ELOB: variants seen among roughly 807,000 people sequenced by gnomAD.
The protein encoded by ELOB is elongin-B.
A neutral mutation model predicts 12.9 loss-of-function variants in ELOB; 3 were observed. That is an observed-to-expected ratio of 0.23 (90% CI 0.11 to 0.60). ELOB has a LOEUF of 0.60. ELOB is among the 20% of genes least tolerant of loss of function. The pLI is 0.89. For synonymous variants in ELOB, 84 were observed against 67.4 expected (o/e 1.25, Z -1.21); for missense variants, 126 against 159.2 (o/e 0.79, Z 1.12).
In ELOB at chr16:2,771,597, C is replaced by A. The variant is rs79638577; in HGVS notation, c.*393G>T. ...CTCTTGGCCATCGTCTGGGAGTGGA[C>A]ATGCAGGCTATGGGGGTGGGGGGCA... is the stretch of plus-strand genomic sequence containing the variant. On this transcript the variant is annotated 3_prime_UTR_variant, in exon 4 of 4. Transcript: ENST00000409906. 2.8e-5 allele frequency: 45 copies of A among 1,614,094 alleles called. No homozygotes were observed. In the East Asian group the frequency reaches 9.8e-4, roughly 35 times the overall value.
intron 3 of ELOB, among the ~76,000 whole-genome samples, chr16:2,773,615 G>T (rs936591277): frequency 1.3e-5 from 2 of 152,136 alleles, no homozygotes; most frequent in Admixed American, 1.3e-4. Flanking sequence ...CATTCCATGG[G>T]GAAGCAAAGA....
intron 3 of ELOB, chr16:2,772,653 T>C (rs2068769676): frequency 6.6e-6 from 1 of 150,642 alleles, no homozygotes; most frequent in South Asian, 2.1e-4. Flanking sequence ...GAGCTTGCAG[T>C]AGCTGAGATC....
In ELOB at chr16:2,774,793, T is replaced by C. The variant is rs1442457455; in HGVS notation, c.244+658A>G. Among the ~76,000 whole-genome samples, 6 of 131,532 alleles carry C rather than the reference T, an allele frequency of 4.6e-5. No individual in the cohort carries two copies. In the East Asian group the frequency reaches 1.2e-3, roughly 26 times the overall value. The allele number at this position is 131,532 out of a possible 152,430, so 86.3% of individuals were successfully genotyped here. A position where few individuals can be genotyped will look rare whatever the true frequency, so the allele number is the denominator to read the frequency against. On this transcript the variant is annotated intron_variant, in intron 3 of 3. Coordinates refer to ENST00000409906, the MANE Select transcript of ELOB (RefSeq NM_007108.4). Reference sequence around the variant, plus strand: ...TCTTGGCGAGTAGTAAACCACTCCCTAATCCCCAGGTTTCTAAAGCTTGGG... The same window carrying C: ...TCTTGGCGAGTAGTAAACCACTCCCCAATCCCCAGGTTTCTAAAGCTTGGG...
At position 2,771,646 on chromosome 16, in the gene ELOB, C is replaced by G. The variant is rs920189162; in HGVS notation, c.*344G>C. 6.2e-7 allele frequency: 1 copy of G among 1,612,728 alleles called. No individual in the cohort carries two copies. Among genetic ancestry groups the G allele is most frequent in the Non-Finnish European group, 8.5e-7 (1 of 1,179,552 alleles). ...CACTTAGAAGGAGAAAGGCCTAAAA[C>G]TGGAATCTCTTGTCCCTGAGGCTGG... On this transcript the variant is annotated 3_prime_UTR_variant, in exon 4 of 4. Coordinates refer to ENST00000409906, the MANE Select transcript of ELOB (RefSeq NM_007108.4).
rs1326023102 is a variant in ELOB, at chr16:2,771,893, A to AGT, written c.*95_*96dup. 1.9e-5 allele frequency: 29 copies of AGT among 1,506,422 alleles called. No homozygotes were observed. The highest frequency in any genetic ancestry group is 2.6e-5 in the Non-Finnish European group (29 of 1,125,270). 93.3% of individuals were successfully genotyped at this position (1,506,422 alleles called of 1,614,324 possible). A position where few individuals can be genotyped will look rare whatever the true frequency, so the allele number is the denominator to read the frequency against. ...CAAGCCCCAAAAGGAGCCCACAGGG[A>AGT]GTGGGACCCATCCCAGGGAGGGGCG... On this transcript the variant is annotated 3_prime_UTR_variant, in exon 4 of 4. Coordinates refer to ENST00000409906, the MANE Select transcript of ELOB (RefSeq NM_007108.4).
chr16:2,777,212 C>G, intron 1 of ELOB, 25 bp downstream of exon 1: 1 of 993,878 alleles, frequency 1.0e-6, no homozygotes, highest in Non-Finnish European at 1.2e-6. Context: ...CCCGGCCCGG[C>G]CGCCCCTCCC....
rs1382608202 is a variant in ELOB at position 2,775,599 on chromosome 16, C to A, written c.139-43G>T. ...ATCTTGGGAGAGGCCCTACATGGGG[C>A]AAGTCCCAAAGACTTCTGACCAGCA... On this transcript the variant is annotated intron_variant, in intron 2 of 3. Coordinates refer to ENST00000409906, the MANE Select transcript of ELOB (RefSeq NM_007108.4). The A allele has an allele frequency of 3.9e-6, 6 of 1,537,802 alleles. No homozygotes were observed. The Admixed American group carries it at 5.3e-5, about 14-fold the overall frequency.
At chr16:2,772,364 A>C in intron 3 of ELOB, 1 of 287,798 alleles carries the variant, frequency 3.5e-6, no homozygotes, top group Non-Finnish European at 6.6e-6. Flanking sequence ...CTCATCTTCC[A>C]TGTCCACTAG....
At chr16:2,775,917 G>A in intron 2 of ELOB, among the ~76,000 whole-genome samples, 1 of 152,112 alleles carries the variant, frequency 6.6e-6, no homozygotes, top group East Asian at 1.9e-4. Context: ...TCGCTATGTT[G>A]CCCAGGCATG....
intron 3 of ELOB, among the ~76,000 whole-genome samples, chr16:2,773,004 C>T (rs1004801899): frequency 6.6e-6 from 1 of 152,198 alleles, no homozygotes; most frequent in Non-Finnish European, 1.5e-5. Context: ...TCAAGACATC[C>T]TGACACTCTG....
At chr16:2,773,193 G>T (rs1463830774) in intron 3 of ELOB, among the ~76,000 whole-genome samples, 1 of 152,056 alleles carries the variant, frequency 6.6e-6, no homozygotes, top group Non-Finnish European at 1.5e-5. Flanking sequence ...GTTCTCAACT[G>T]ATCAGGCATC....
chr16:2,775,430 A>C, intron 3 of ELOB, 21 bp downstream of exon 3: 2 of 1,554,040 alleles, frequency 1.3e-6, no homozygotes, highest in Admixed American at 1.8e-5. Flanking sequence ...CACCCAGCCC[A>C]GTGGGTGGTG....
At chr16:2,776,834 G>A (rs1383193497) in intron 2 of ELOB, among the ~76,000 whole-genome samples, 159 bp downstream of exon 2, 3 of 151,850 alleles carry the variant, frequency 2.0e-5, no homozygotes, top group Admixed American at 1.3e-4. Flanking sequence ...CGCGGCGAGC[G>A]CAGCTCGCGC....
chr16:2,775,249 A>G (rs2068791907), intron 3 of ELOB, among the ~76,000 whole-genome samples: 1 of 152,108 alleles, frequency 6.6e-6, no homozygotes, highest in Admixed American at 6.5e-5. Flanking sequence ...GGTTTCTGTA[A>G]GCATCTCATT....
chr16:2,775,846 A>G (rs1186252850), intron 2 of ELOB, among the ~76,000 whole-genome samples: 1 of 152,224 alleles, frequency 6.6e-6, no homozygotes, highest in Non-Finnish European at 1.5e-5. Context: ...CTGGCTTTCA[A>G]TCCCAGCTCT....
At chr16:2,773,309 T>C (rs1485998730) in intron 3 of ELOB, among the ~76,000 whole-genome samples, 17 of 152,048 alleles carry the variant, frequency 1.1e-4, no homozygotes, top group Admixed American at 1.1e-3. Context: ...CGGCTCCACG[T>C]GCTATGGTGC....
At chr16:2,772,367 T>TACGGCGA in intron 3 of ELOB, 1 of 280,938 alleles carries the variant, frequency 3.6e-6, no homozygotes, top group Admixed American at 4.9e-5. Context: ...ATCTTCCATG[T>TACGGCGA]CCACTAGTGA....
At chr16:2,775,644 G>C in intron 2 of ELOB, 88 bp from the exon 3 acceptor site, 1 of 1,018,394 alleles carries the variant, frequency 9.8e-7, no homozygotes, top group African/African-American at 1.6e-5. Flanking sequence ...GAAGTCAGAG[G>C]AGGGAAGAGA....
chr16:2,771,706 T>C lies in ELOB; in HGVS notation c.*284A>G. On this transcript the variant is annotated 3_prime_UTR_variant, in exon 4 of 4. Coordinates refer to ENST00000409906, the MANE Select transcript of ELOB (RefSeq NM_007108.4). ...TTGTGTCTCTCCCAGTCCTTCCCTT[T>C]CCTCCCCCTGGCGTGGTTGGTGTGG... 1.9e-6 allele frequency: 3 copies of C among 1,574,324 alleles called. No homozygotes were observed. The highest frequency in any genetic ancestry group is 3.5e-5 in the Admixed American group (2 of 56,836).
Sources: allele counts gnomAD v4.1 joint callset (sites outside exome capture counted in the v4.1 genomes callset), GRCh38; gene constraint gnomAD v4.1.1; transcripts MANE v1.5; gene names NCBI Gene and HGNC (gene_info 2026-07-23, HGNC 2026-07-21).